DMD: variants seen among roughly 807,000 people sequenced by gnomAD.
DMD encodes the protein mutant dystrophin.
Under a neutral mutation model 330.1 loss-of-function variants are expected in DMD, and 63 were observed. The observed-to-expected ratio is 0.19, with a 90% CI of 0.16 to 0.24. The LOEUF is 0.24. Among genes scored for constraint, DMD ranks in the 10% least tolerant of loss-of-function variants. The pLI, the probability that DMD is intolerant of heterozygous loss-of-function variation, is 1.00. For synonymous variants in DMD, 1,223 were observed against 959.8 expected (o/e 1.27, Z -5.07); for missense variants, 3,344 against 2,684.1 (o/e 1.25, Z -5.43).
intron 44 of DMD, among the ~76,000 whole-genome samples, chrX:32,156,016 A>C (rs1023651105): frequency 2.0e-5 from 2 of 101,029 alleles, no homozygotes; most frequent in Non-Finnish European, 2.0e-5. Flanking sequence ...ACACACACAC[A>C]CCTGTATAGC....
chrX:33,121,142 A>G (rs1170209012), intron 1 of DMD, among the ~76,000 whole-genome samples: 2 of 110,585 alleles, frequency 1.8e-5, no homozygotes, highest in African/African-American at 6.6e-5. Context: ...CCATTTATCA[A>G]TATGTACTAC....
At chrX:33,316,504 T>C (rs2053934560) in intron 1 of DMD, among the ~76,000 whole-genome samples, 1 of 111,569 alleles carries the variant, frequency 9.0e-6, no homozygotes, top group Non-Finnish European at 1.9e-5. Context: ...TTGAATAAAG[T>C]ATGAGGTGTT....
intron 64 of DMD, among the ~76,000 whole-genome samples, chrX:31,220,075 A>G (rs758761084): frequency 9.0e-6 from 1 of 111,690 alleles, no homozygotes; most frequent in Non-Finnish European, 1.9e-5. Context: ...GCAATAGGCT[A>G]TCCCATACAG....
At chrX:32,631,734 T>C (rs941986985) in intron 11 of DMD, among the ~76,000 whole-genome samples, 14 of 111,017 alleles carry the variant, frequency 1.3e-4, no homozygotes, top group African/African-American at 4.3e-4. Context: ...CTGACAAGAA[T>C]TCACCCACTA....
chrX:31,922,215 C>T (rs183599620), intron 47 of DMD, among the ~76,000 whole-genome samples: 78 of 111,389 alleles, frequency 7.0e-4, no homozygotes, highest in Middle Eastern at 4.6e-3. Context: ...AGTGAGCTTC[C>T]GGGTAGCTGA....
At chrX:33,223,695 A>T (rs1268500683) in intron 1 of DMD, among the ~76,000 whole-genome samples, 1 of 112,293 alleles carries the variant, frequency 8.9e-6, no homozygotes, top group African/African-American at 3.2e-5. Flanking sequence ...ATATAACACC[A>T]AAGACATGAC....
At chrX:32,582,711 A>G (rs2053785366) in intron 13 of DMD, among the ~76,000 whole-genome samples, 1 of 111,865 alleles carries the variant, frequency 8.9e-6, no homozygotes, top group Middle Eastern at 4.6e-3. Context: ...TTACTGACCA[A>G]CTGACCAAAA....
intron 2 of DMD, among the ~76,000 whole-genome samples, chrX:32,929,298 T>C (rs767160016): frequency 1.3e-3 from 141 of 111,502 alleles, no homozygotes; most frequent in African/African-American, 4.0e-3. Flanking sequence ...ATTGATTGCC[T>C]GTGTGTATAG....
intron 27 of DMD, among the ~76,000 whole-genome samples, chrX:32,446,372 A>G (rs1266514431): frequency 9.1e-6 from 1 of 110,234 alleles, no homozygotes; most frequent in Admixed American, 9.7e-5. Context: ...TAAAGGCAAA[A>G]AATTTCAAAA....
chrX:31,265,514 C>T (rs1218709134), intron 62 of DMD, among the ~76,000 whole-genome samples: 2 of 110,841 alleles, frequency 1.8e-5, no homozygotes, highest in Non-Finnish European at 3.8e-5. Flanking sequence ...GTTAGTTGTC[C>T]TCCGTTTTAT....
chrX:32,746,441 G>A (rs2070020708), intron 7 of DMD, among the ~76,000 whole-genome samples: 1 of 112,018 alleles, frequency 8.9e-6, no homozygotes, highest in South Asian at 3.7e-4. Flanking sequence ...GGTTCTCAAA[G>A]TGTGGATCCA....
chrX:31,275,289 A>G (rs1016282298), intron 62 of DMD, among the ~76,000 whole-genome samples: 2 of 110,626 alleles, frequency 1.8e-5, no homozygotes, highest in South Asian at 7.8e-4. Context: ...TAAGGTACAG[A>G]GTTTTTATGT....
rs189939185 is a variant in DMD, at chrX:33,014,561, C to A, written c.93+5578G>T. 9.0e-6 allele frequency among the ~76,000 whole-genome samples: 1 copy of A among 111,174 alleles called. No homozygotes were observed. The highest frequency in any genetic ancestry group is 2.9e-4 in the East Asian group (1 of 3,505). On this transcript the variant is annotated intron_variant, in intron 2 of 78. Coordinates refer to ENST00000357033, the MANE Select transcript of DMD (RefSeq NM_004006.3). ...AACAGATTCAACCAATGTAGAGAAA[C>A]AAGGAAATATGGCTTATTACAAACT... is the stretch of plus-strand genomic sequence containing the variant.
intron 55 of DMD, among the ~76,000 whole-genome samples, chrX:31,514,712 A>T (rs2072009896): frequency 8.9e-6 from 1 of 112,621 alleles, no homozygotes; most frequent in Non-Finnish European, 1.9e-5. Flanking sequence ...CTATTACAAG[A>T]TAATCCATGT....
intron 21 of DMD, among the ~76,000 whole-genome samples, chrX:32,473,485 T>A (rs2040877857): frequency 9.0e-6 from 1 of 111,663 alleles, no homozygotes; most frequent in South Asian, 3.7e-4. Flanking sequence ...TCAAATAACA[T>A]TATCTAAATC....
rs12387264 is a variant in DMD, at chrX:32,453,569, T to C, written c.3603+1093A>G. 4.1e-3 allele frequency among the ~76,000 whole-genome samples: 457 copies of C among 110,995 alleles called. 6 individuals are homozygous for C. The highest frequency in any genetic ancestry group is 0.014 in the African/African-American group (444 of 30,750). On this transcript the variant is annotated intron_variant, in intron 26 of 78. Coordinates refer to ENST00000357033, the MANE Select transcript of DMD (RefSeq NM_004006.3). ...CATTTAATTATATAATTTTTTACCA[T>C]GTGGCCCTTTCACAATTAAAATAAT...
rs778938436 is a variant in DMD at position 33,081,588 on chromosome X, C to T, written c.32-61388G>A. Among the ~76,000 whole-genome samples the T allele has an allele frequency of 2.7e-5, 3 of 112,330 alleles. No homozygotes were observed. The East Asian group carries it at 8.5e-4, about 32-fold the overall frequency. On this transcript the variant is annotated intron_variant, in intron 1 of 78. Transcript: ENST00000357033. ...ACAAGCACGAGCCACGGCACCCGGC[C>T]ATACCCTGCATTTCATTGCAAGGCA...
At chrX:32,628,719 C>G (rs2146571568) in intron 11 of DMD, among the ~76,000 whole-genome samples, 1 of 110,800 alleles carries the variant, frequency 9.0e-6, no homozygotes, top group East Asian at 2.9e-4. Context: ...CATTGCGTTT[C>G]CTTTTTCATT....
chrX:31,489,069 A>C (rs1371564549), intron 57 of DMD, among the ~76,000 whole-genome samples: 1 of 111,910 alleles, frequency 8.9e-6, no homozygotes, highest in South Asian at 3.7e-4. Context: ...TGGGCTTTTG[A>C]ATTTGGTGCT....
Sources: allele counts gnomAD v4.1 joint callset (sites outside exome capture counted in the v4.1 genomes callset), GRCh38; gene constraint gnomAD v4.1.1; transcripts MANE v1.5; gene names NCBI Gene and HGNC (gene_info 2026-07-23, HGNC 2026-07-21).